CNTN4: variants seen among roughly 807,000 people sequenced by gnomAD.
CNTN4 encodes contactin-4.
CNTN4 carries 77 observed loss-of-function variants against 122.5 expected under a neutral mutation model. The observed-to-expected ratio is 0.63, with a 90% confidence interval of 0.52 to 0.76. CNTN4 has a LOEUF of 0.76. CNTN4 is among the 30% of genes least tolerant of loss of function. CNTN4 has a pLI of 0.00. For missense variants in CNTN4, 1,256 were observed against 1,259.1 expected, an observed-to-expected ratio of 1.00 and a Z score of 0.04; for synonymous variants, 512 against 447.0, an observed-to-expected ratio of 1.15 and a Z score of -1.83.
intron 2 of CNTN4, among the ~76,000 whole-genome samples, chr3:2,137,279 G>A (rs573619869): frequency 3.3e-5 from 5 of 152,244 alleles, no homozygotes; most frequent in Admixed American, 1.3e-4. Flanking sequence ...TTAAGGTTAT[G>A]TCAGCTTTAC....
At chr3:2,654,286 C>T (rs1207574796) in intron 4 of CNTN4, among the ~76,000 whole-genome samples, 1 of 152,180 alleles carries the variant, frequency 6.6e-6, no homozygotes, top group Non-Finnish European at 1.5e-5. Flanking sequence ...GTTGAGAATA[C>T]TGTCTAAGAA....
intron 12 of CNTN4, among the ~76,000 whole-genome samples, chr3:2,904,277 C>T (rs538555238): frequency 6.6e-6 from 1 of 152,324 alleles, no homozygotes; most frequent in African/African-American, 2.4e-5. Context: ...TGTCCAGTTT[C>T]AGAGTCCTGA....
intron 4 of CNTN4, among the ~76,000 whole-genome samples, chr3:2,655,284 G>T (rs974756546): frequency 6.6e-5 from 10 of 152,236 alleles, no homozygotes; most frequent in African/African-American, 2.4e-4. Flanking sequence ...ACTGCAAAGA[G>T]AAGTCTTGTC....
At chr3:2,441,285 G>A (rs969312010) in intron 3 of CNTN4, among the ~76,000 whole-genome samples, 3 of 152,170 alleles carry the variant, frequency 2.0e-5, no homozygotes, top group African/African-American at 4.8e-5. Context: ...ATGATATGCA[G>A]TAATAAGCAC....
chr3:2,694,267 G>C (rs1170486919), intron 4 of CNTN4, among the ~76,000 whole-genome samples: 2 of 152,152 alleles, frequency 1.3e-5, no homozygotes, highest in Non-Finnish European at 2.9e-5. Flanking sequence ...GTTTTGTTCT[G>C]CTGTAGCTGA....
At chr3:2,367,400 A>G (rs138968836) in intron 3 of CNTN4, among the ~76,000 whole-genome samples, 191 of 152,364 alleles carry the variant, frequency 1.3e-3, no homozygotes, top group African/African-American at 4.4e-3. Flanking sequence ...CATGAAACGA[A>G]AAACACAAAC....
Position 2,887,264 on chromosome 3 carries a change from G to A in CNTN4, c.940+40G>A, listed in dbSNP as rs1283516072. 6.4e-6 allele frequency: 10 copies of A among 1,568,034 alleles called. No individual in the cohort carries two copies. The Admixed American group carries it at 8.3e-5, about 13-fold the overall frequency. On this transcript the variant is annotated intron_variant, in intron 10 of 24. Coordinates refer to ENST00000418658, the MANE Select transcript of CNTN4 (RefSeq NM_175607.3). ...TCAGTTTATCATTTATAGTGCTACAGAACTTCCTGATATTGAAATCATAAG... is the reference window on the plus strand; with the variant it reads ...TCAGTTTATCATTTATAGTGCTACAAAACTTCCTGATATTGAAATCATAAG...
At chr3:2,500,635 T>G (rs1488077196) in intron 3 of CNTN4, among the ~76,000 whole-genome samples, 1 of 152,200 alleles carries the variant, frequency 6.6e-6, no homozygotes, top group Non-Finnish European at 1.5e-5. Context: ...CTTTAGGCTT[T>G]GTTTTTATTA....
rs375066039 is a variant in CNTN4 at position 2,513,210 on chromosome 3, A to G, written c.-88-58206A>G. 3.9e-5 allele frequency among the ~76,000 whole-genome samples: 6 copies of G among 152,300 alleles called. No individual in the cohort carries two copies. In the East Asian group the frequency reaches 9.7e-4, roughly 25 times the overall value. On this transcript the variant is annotated intron_variant, in intron 3 of 24. Transcript: ENST00000418658. ...AACGGCAAGTGGTTTTGATGGCTATATGGTCCCTAAACAAAAGGCTGGCCT... is the reference window on the plus strand; with the variant it reads ...AACGGCAAGTGGTTTTGATGGCTATGTGGTCCCTAAACAAAAGGCTGGCCT...
intron 23 of CNTN4, among the ~76,000 whole-genome samples, chr3:3,053,303 G>A: frequency 6.6e-6 from 1 of 152,222 alleles, no homozygotes; most frequent in East Asian, 1.9e-4. Flanking sequence ...CCAAAGTGCT[G>A]ACACTATAGG....
intron 3 of CNTN4, among the ~76,000 whole-genome samples, chr3:2,380,313 T>G (rs2045970758): frequency 6.6e-6 from 1 of 152,214 alleles, no homozygotes; most frequent in African/African-American, 2.4e-5. Flanking sequence ...ATCTCTGTTG[T>G]TAGTCCAGGA....
chr3:2,327,965 C>T (rs144860483), intron 2 of CNTN4, among the ~76,000 whole-genome samples: 95 of 152,344 alleles, frequency 6.2e-4, no homozygotes, highest in African/African-American at 2.1e-3. Context: ...AGACCCTCAT[C>T]TGGAGGAGTC....
intron 3 of CNTN4, among the ~76,000 whole-genome samples, chr3:2,417,783 T>A (rs891414549): frequency 6.6e-6 from 1 of 152,072 alleles, no homozygotes; most frequent in Non-Finnish European, 1.5e-5. Flanking sequence ...ACCTAGAGAA[T>A]GGAATAATAT....
intron 3 of CNTN4, among the ~76,000 whole-genome samples, chr3:2,340,537 C>T (rs556344539): frequency 1.2e-4 from 18 of 150,854 alleles, no homozygotes; most frequent in East Asian, 7.8e-4. Flanking sequence ...AAAATTTAGC[C>T]GGATATGGTG....
chr3:3,014,596 T>G (rs1697564377), intron 14 of CNTN4, among the ~76,000 whole-genome samples: 1 of 151,990 alleles, frequency 6.6e-6, no homozygotes, highest in Non-Finnish European at 1.5e-5. Context: ...ATGTCATTTA[T>G]TAGCATGTGA....
At chr3:2,557,876 G>A (rs1224177095) in intron 3 of CNTN4, among the ~76,000 whole-genome samples, 1 of 152,026 alleles carries the variant, frequency 6.6e-6, no homozygotes, top group Non-Finnish European at 1.5e-5. Flanking sequence ...TGCATCTTGG[G>A]AATTCAGAAT....
chr3:2,288,082 A>C (rs1206184575), intron 2 of CNTN4, among the ~76,000 whole-genome samples: 1 of 152,246 alleles, frequency 6.6e-6, no homozygotes, highest in East Asian at 1.9e-4. Context: ...AGAATTAGAA[A>C]ATAAATTAGA....
intron 6 of CNTN4, among the ~76,000 whole-genome samples, chr3:2,788,473 C>A (rs1257342123): frequency 6.6e-6 from 1 of 152,154 alleles, no homozygotes; most frequent in East Asian, 1.9e-4. Context: ...TCACAACATT[C>A]TTACTGAATT....
At chr3:2,887,331 A>G in intron 10 of CNTN4, 107 bp downstream of exon 10, 1 of 1,040,060 alleles carries the variant, frequency 9.6e-7, no homozygotes. Flanking sequence ...GGTGCAGAAT[A>G]GGACTGTGTG....
Sources: gnomAD v4.1 joint callset for allele counts (sites outside exome capture counted in the v4.1 genomes callset) on GRCh38, gnomAD v4.1.1 for gene constraint, MANE v1.5 for transcripts, NCBI Gene and HGNC (gene_info 2026-07-23, HGNC 2026-07-21) for gene names.